The following EDNRB variants were observed in gnomAD, a reference collection of about 807,000 sequenced individuals.
The protein encoded by EDNRB is Hirschsprung disease 2.
A neutral mutation model predicts 46.4 loss-of-function variants in EDNRB; 18 were observed. The ratio of observed to expected loss-of-function variants is 0.39; its 90% confidence interval spans 0.27 to 0.57. The LOEUF (loss-of-function observed/expected upper bound fraction) is 0.57, where lower values mean the gene tolerates loss of function less well. Ranked by LOEUF, EDNRB falls within the 20% of genes least tolerant of loss-of-function variation. The pLI is 0.61. For missense variants in EDNRB, 434 were observed against 537.5 expected (o/e 0.81, Z 1.90); for synonymous variants, 213 against 204.9 (o/e 1.04, Z -0.34).
chr13:77,943,134 T>C (rs1880800905), intron 1 of EDNRB, among the ~76,000 whole-genome samples: 1 of 152,128 alleles, frequency 6.6e-6, no homozygotes, highest in African/African-American at 2.4e-5. Context: ...AGCTATTCTT[T>C]GATTTAAATT....
In EDNRB at chr13:77,918,316, G is replaced by A; in HGVS notation, c.258C>T (p.Ser86=). The A allele has an allele frequency of 1.9e-6, 3 of 1,614,120 alleles. No individual in the cohort carries two copies. The highest frequency in any genetic ancestry group is 2.5e-6 in the Non-Finnish European group (3 of 1,180,022). The stretch of plus-strand genomic sequence containing the variant: ...CGATGGGTCCTTGGCACGGGGGAGG[G>A]GAGATGGTGCGTGGCGGAGATCCTG... The part of the protein sequence containing the change: ...RTAGSPPRTI[S]PPPCQGPIEI... Residue 86 remains serine, a synonymous_variant, in exon 1 of 7, where the codon TCC becomes TCT. Coordinates refer to ENST00000646607, the MANE Select transcript of EDNRB (RefSeq NM_001122659.3). The surrounding 1 kb of genome is among the most constrained non-coding windows in gnomAD (Gnocchi z 4.5).
At chr13:77,953,499 C>T (rs1187843418) in intron 1 of EDNRB, among the ~76,000 whole-genome samples, 1 of 152,064 alleles carries the variant, frequency 6.6e-6, no homozygotes, top group East Asian at 1.9e-4. Flanking sequence ...TAGCCACCTA[C>T]AACCAGAATG....
Position 77,918,168 on chromosome 13 carries a change from G to C in EDNRB, c.406C>G (p.Pro136Ala). The change falls in exon 1 of 7, where the codon CCC (proline) becomes GCC (alanine). Residue 136 changes from proline to alanine, a missense_variant. By Grantham distance (27) the Pro-to-Ala change is conservative. Transcript: ENST00000646607. This position sits in a 1 kb window ranked among gnomAD's most constrained non-coding sequence, Gnocchi z 4.5. ...GCCAAGCTGGCGATCAAGATATTGGGACCGTTTCGCATGCACTTGTTCTTG... is the reference window on the plus strand; with the variant it reads ...GCCAAGCTGGCGATCAAGATATTGGCACCGTTTCGCATGCACTTGTTCTTG... The part of the protein sequence containing the change: ...IYKNKCMRNG[P>A]NILIASLALG... The C allele has an allele frequency of 6.2e-7, 1 of 1,614,140 alleles. No homozygotes were observed. Among genetic ancestry groups the C allele is most frequent in the South Asian group, 1.1e-5 (1 of 91,076 alleles).
chr13:77,922,860 A>G (rs970751906), upstream of EDNRB, among the ~76,000 whole-genome samples: 12 of 152,180 alleles, frequency 7.9e-5, no homozygotes, highest in Non-Finnish European at 1.8e-4. Flanking sequence ...TTATTCTTTA[A>G]AAGTGGTAAA....
At chr13:77,955,527 T>G (rs1881210711) in intron 1 of EDNRB, among the ~76,000 whole-genome samples, 5 of 152,174 alleles carry the variant, frequency 3.3e-5, no homozygotes. Flanking sequence ...TGGTGTCATA[T>G]TCAAGAAATC....
intron 1 of EDNRB, among the ~76,000 whole-genome samples, chr13:77,970,588 TTTA>T (rs1317346981): frequency 2.0e-5 from 3 of 152,010 alleles, no homozygotes; most frequent in Admixed American, 6.6e-5. Context: ...TATTATCTTT[TTTA>T]TTATTATTAT....
At chr13:77,898,674 A>C (rs1878765650) in intron 6 of EDNRB, among the ~76,000 whole-genome samples, 1 of 152,028 alleles carries the variant, frequency 6.6e-6, no homozygotes, top group African/African-American at 2.4e-5. Context: ...TTGCACATAC[A>C]TGAAATAAAT....
intron 1 of EDNRB, among the ~76,000 whole-genome samples, chr13:77,915,063 A>G (rs2137634049): frequency 6.6e-6 from 1 of 152,282 alleles, no homozygotes; most frequent in African/African-American, 2.4e-5. Flanking sequence ...TAAGCCTCTC[A>G]TATTAGGATA....
rs750626886 is a variant in EDNRB, at chr13:77,897,786, C to T, written c.*414G>A. ...ATTTTAAATTGAGTAATTTAAGCTT[C>T]ATTTAAAAGTTCTGTTTTACAGTGA... On this transcript the variant is annotated 3_prime_UTR_variant, in exon 7 of 7. Transcript: ENST00000646607. The T allele has an allele frequency of 5.1e-5, 50 of 986,984 alleles. No individual in the cohort carries two copies. The highest frequency in any genetic ancestry group is 5.9e-5 in the Non-Finnish European group (49 of 829,434). 61.1% of individuals were successfully genotyped at this position (986,984 alleles called of 1,614,324 possible).
At chr13:77,969,095 C>T (rs1056416492) in intron 1 of EDNRB, among the ~76,000 whole-genome samples, 1 of 152,094 alleles carries the variant, frequency 6.6e-6, no homozygotes. Flanking sequence ...TTCGTTTAAG[C>T]CTTGTGGCAC....
chr13:77,917,213 C>T (rs1051101991), intron 1 of EDNRB, among the ~76,000 whole-genome samples: 5 of 152,166 alleles, frequency 3.3e-5, no homozygotes, highest in African/African-American at 1.2e-4. Flanking sequence ...CCCAGCTCCA[C>T]CTCTAATTCA....
intron 3 of EDNRB, among the ~76,000 whole-genome samples, chr13:77,902,267 C>A (rs921940982): frequency 6.6e-6 from 1 of 151,922 alleles, no homozygotes; most frequent in Non-Finnish European, 1.5e-5. Flanking sequence ...GTGCAGATTA[C>A]GTAGTAGTTG....
intron 1 of EDNRB, among the ~76,000 whole-genome samples, chr13:77,969,837 T>G (rs1317593808): frequency 6.6e-6 from 1 of 152,198 alleles, no homozygotes; most frequent in Non-Finnish European, 1.5e-5. Flanking sequence ...CTGGAAAATT[T>G]TAACAACTTC....
chr13:77,904,337 T>C (rs575425923), intron 1 of EDNRB, among the ~76,000 whole-genome samples: 1 of 152,146 alleles, frequency 6.6e-6, no homozygotes, highest in African/African-American at 2.4e-5. Flanking sequence ...CCTACTCTCT[T>C]TTCCTTTTTA....
chr13:77,898,575 G>A (rs1054256888), intron 6 of EDNRB, among the ~76,000 whole-genome samples: 10 of 151,904 alleles, frequency 6.6e-5, no homozygotes, highest in African/African-American at 2.2e-4. Context: ...ACAAGAGAAA[G>A]CCACTTTTAA....
At chr13:77,900,325 C>G (rs563148895) in intron 5 of EDNRB, among the ~76,000 whole-genome samples, 196 bp downstream of exon 5, 2 of 152,010 alleles carry the variant, frequency 1.3e-5, no homozygotes, top group African/African-American at 2.4e-5. Flanking sequence ...ACAACTCTGA[C>G]TCTCTGTACC....
intron 1 of EDNRB, among the ~76,000 whole-genome samples, chr13:77,942,569 T>C (rs1229015354): frequency 6.6e-6 from 1 of 152,120 alleles, no homozygotes; most frequent in Non-Finnish European, 1.5e-5. Context: ...ACCCAATTAA[T>C]AAGGGAGACG....
At chr13:77,914,610 T>C (rs1043886467) in intron 1 of EDNRB, among the ~76,000 whole-genome samples, 6 of 152,210 alleles carry the variant, frequency 3.9e-5, no homozygotes, top group African/African-American at 1.2e-4. Context: ...ACTTGCTAAG[T>C]GTCCTCAGAC....
intron 1 of EDNRB, among the ~76,000 whole-genome samples, chr13:77,966,544 T>G (rs1415876051): frequency 6.6e-6 from 1 of 152,222 alleles, no homozygotes; most frequent in Non-Finnish European, 1.5e-5. Flanking sequence ...CTTACAGGCA[T>G]TTCTCAAAAT....
Sources: allele counts gnomAD v4.1 joint callset (sites outside exome capture counted in the v4.1 genomes callset), GRCh38; gene constraint gnomAD v4.1.1; non-coding constraint Gnocchi (gnomAD v3.1); transcripts MANE v1.5; gene names NCBI Gene and HGNC (gene_info 2026-07-23, HGNC 2026-07-21).